Variants in GAB1 observed in about 807,000 individuals in gnomAD.
GAB1 encodes GRB2-associated-binding protein 1.
In GAB1, 19 loss-of-function variants were observed where a neutral mutation model predicts 66.5. The observed-to-expected ratio is 0.29, with a 90% CI of 0.20 to 0.42. GAB1 has a LOEUF of 0.42. Among genes scored for constraint, GAB1 ranks in the 10% least tolerant of loss-of-function variants. GAB1 has a pLI of 1.00. For missense variants in GAB1, 732 were observed against 858.5 expected (o/e 0.85, Z 1.84); for synonymous variants, 294 against 301.4 (o/e 0.98, Z 0.25).
intron 1 of GAB1, among the ~76,000 whole-genome samples, chr4:143,343,188 C>G (rs1190175713): frequency 6.6e-6 from 1 of 152,114 alleles, no homozygotes; most frequent in Non-Finnish European, 1.5e-5. Flanking sequence ...AGCAGAAGCC[C>G]TGTTGCAGTT....
chr4:143,435,142 T>C (rs1733880598), intron 3 of GAB1, among the ~76,000 whole-genome samples: 2 of 152,200 alleles, frequency 1.3e-5, no homozygotes, highest in Admixed American at 1.3e-4. Context: ...ACAAAGCACT[T>C]GTTCAAAAAT....
intron 2 of GAB1, chr4:143,425,622 C>T (rs980269036): frequency 2.0e-5 from 15 of 761,806 alleles, no homozygotes; most frequent in Non-Finnish European, 7.2e-6. Flanking sequence ...CCGTGAACAT[C>T]CATGGGAGGT....
intron 2 of GAB1, among the ~76,000 whole-genome samples, chr4:143,422,159 A>G (rs577623838): frequency 6.6e-6 from 1 of 152,210 alleles, no homozygotes; most frequent in Admixed American, 6.5e-5. Context: ...ATGATAATGC[A>G]TACTCTTTGT....
At chr4:143,407,401 T>C (rs919095211) in intron 1 of GAB1, among the ~76,000 whole-genome samples, 3 of 152,200 alleles carry the variant, frequency 2.0e-5, no homozygotes, top group Non-Finnish European at 4.4e-5. Flanking sequence ...ACTCTTTCCC[T>C]AGCTAGTATA....
intron 2 of GAB1, among the ~76,000 whole-genome samples, chr4:143,420,814 T>TA (rs1210559544): frequency 2.0e-5 from 3 of 152,168 alleles, no homozygotes; most frequent in Admixed American, 2.0e-4. Context: ...TTGAGTCAAG[T>TA]AGATATAAAC....
At position 143,459,033 on chromosome 4, in the gene GAB1, A is replaced by G. The variant is rs1020997953; in HGVS notation, c.1586-352A>G. Among the ~76,000 whole-genome samples, 7 of 152,214 alleles carry G rather than the reference A, an allele frequency of 4.6e-5. 1 individual carries two copies. The East Asian group carries it at 1.2e-3, about 25-fold the overall frequency. On this transcript the variant is annotated intron_variant, in intron 6 of 9. Transcript: ENST00000262994. ...TATTGAGTATGAAATTGGTGAAATA[A>G]TTTATGAAATAATGAAACATATAAA...
intron 9 of GAB1, among the ~76,000 whole-genome samples, chr4:143,468,532 A>G (rs1478102271): frequency 6.6e-6 from 1 of 151,906 alleles, no homozygotes; most frequent in Non-Finnish European, 1.5e-5. Context: ...TAAATATAAT[A>G]ATTTTAAATT....
intron 8 of GAB1, among the ~76,000 whole-genome samples, chr4:143,460,803 C>A (rs1578753424): frequency 6.6e-6 from 1 of 152,146 alleles, no homozygotes. Context: ...CTAGCCTGCA[C>A]AACATGTCAC....
intron 6 of GAB1, among the ~76,000 whole-genome samples, chr4:143,454,902 T>G (rs1035666290): frequency 1.3e-5 from 2 of 150,274 alleles, no homozygotes; most frequent in Admixed American, 1.3e-4. Context: ...TTCTCTCTCT[T>G]TTTTTTTTAA....
intron 1 of GAB1, among the ~76,000 whole-genome samples, chr4:143,397,779 T>A (rs1347391646): frequency 1.3e-5 from 2 of 152,224 alleles, no homozygotes; most frequent in African/African-American, 4.8e-5. Flanking sequence ...TGAACCTTGA[T>A]AATTAAAATA....
intron 6 of GAB1, among the ~76,000 whole-genome samples, chr4:143,456,680 T>G (rs1210644470): frequency 6.6e-6 from 1 of 152,236 alleles, no homozygotes; most frequent in African/African-American, 2.4e-5. Flanking sequence ...CAGAATTATA[T>G]TTTAAGAAAC....
At chr4:143,413,824 C>CCTTTTTTTTTTTTTTTTTTTTT (rs61697817) in intron 1 of GAB1, among the ~76,000 whole-genome samples, 15 of 67,828 alleles carry the variant, frequency 2.2e-4, no homozygotes, top group African/African-American at 1.3e-3. Flanking sequence ...CCCCGCTGCC[C>CCTTTTTTTTTTTTTTTTTTTTT]TTTTTTTTTT....
chr4:143,428,692 G>A (rs1228830292), intron 2 of GAB1, among the ~76,000 whole-genome samples: 1 of 152,044 alleles, frequency 6.6e-6, no homozygotes, highest in Non-Finnish European at 1.5e-5. Flanking sequence ...CAACTAATGG[G>A]TCTAGAATAT....
At chr4:143,380,628 C>T (rs986256111) in intron 1 of GAB1, 2 of 152,078 alleles carry the variant, frequency 1.3e-5, no homozygotes, top group African/African-American at 4.8e-5. Context: ...ACTGTGTTGC[C>T]CAGATTGGTC....
intron 1 of GAB1, among the ~76,000 whole-genome samples, chr4:143,342,543 C>CTTTTTTTTTTTTT (rs5862632): frequency 3.2e-5 from 2 of 62,482 alleles, no homozygotes; most frequent in African/African-American, 1.3e-4. Context: ...GTGATAGATT[C>CTTTTTTTTTTTTT]TTTTTTTTTT....
intron 3 of GAB1, chr4:143,434,239 T>C (rs1415943033): frequency 5.0e-6 from 3 of 603,018 alleles, no homozygotes; most frequent in African/African-American, 3.8e-5. Context: ...ATATAGCAAA[T>C]TCCATGGAAT....
intron 2 of GAB1, among the ~76,000 whole-genome samples, chr4:143,418,611 T>C (rs1319791616): frequency 6.6e-6 from 1 of 152,180 alleles, no homozygotes; most frequent in Non-Finnish European, 1.5e-5. Flanking sequence ...GGGCAGACTT[T>C]TGTCTCTGTT....
intron 1 of GAB1, among the ~76,000 whole-genome samples, chr4:143,337,596 G>A (rs946088282): frequency 1.3e-5 from 2 of 152,190 alleles, no homozygotes; most frequent in Non-Finnish European, 1.5e-5. Context: ...ATGGAGAGAG[G>A]AGCCTTCTTC....
At chr4:143,377,485 C>T (rs893070147) in intron 1 of GAB1, among the ~76,000 whole-genome samples, 4 of 152,120 alleles carry the variant, frequency 2.6e-5, no homozygotes, top group East Asian at 1.9e-4. Flanking sequence ...TTTGAAATGC[C>T]TTGGCAGGGA....
Sources: gnomAD v4.1 joint callset for allele counts (sites outside exome capture counted in the v4.1 genomes callset) on GRCh38, gnomAD v4.1.1 for gene constraint, MANE v1.5 for transcripts, NCBI Gene and HGNC (gene_info 2026-07-23, HGNC 2026-07-21) for gene names.